Variants in CSMD2 observed in about 807,000 individuals in gnomAD.
CSMD2 encodes the protein CUB and Sushi multiple domains 2, also known as CUB and sushi domain-containing protein 2.
A neutral mutation model predicts 398.5 loss-of-function variants in CSMD2; 130 were observed. The ratio of observed to expected loss-of-function variants is 0.33; its 90% CI spans 0.28 to 0.38. CSMD2 has a LOEUF of 0.38. CSMD2 is among the 10% of genes least tolerant of loss of function. The pLI, the probability that CSMD2 is intolerant of heterozygous loss-of-function variation, is 1.00. For synonymous variants in CSMD2, 1,828 were observed against 1,908.5 expected (o/e 0.96, Z 1.10); for missense variants, 3,829 against 4,764.9 (o/e 0.80, Z 5.78).
At chr1:33,669,462 C>T (rs1307942226) in intron 25 of CSMD2, among the ~76,000 whole-genome samples, 1 of 152,204 alleles carries the variant, frequency 6.6e-6, no homozygotes, top group Non-Finnish European at 1.5e-5. Context: ...TCCTTCTCTA[C>T]AGGATAAAGT....
chr1:33,783,209 G>C (rs1460217007), intron 12 of CSMD2, among the ~76,000 whole-genome samples: 1 of 152,096 alleles, frequency 6.6e-6, no homozygotes, highest in Non-Finnish European at 1.5e-5. Flanking sequence ...AGGTGTGGGG[G>C]CAGAGATGGC....
rs1243129741 is a variant in CSMD2, at chr1:33,583,625, G to T, written c.7240+17C>A. 5 of 1,610,522 alleles carry T rather than the reference G, an allele frequency of 3.1e-6. No homozygotes were observed. The highest frequency in any genetic ancestry group is 4.2e-6 in the Non-Finnish European group (5 of 1,177,432). On this transcript the variant is annotated intron_variant, in intron 47 of 70. Coordinates refer to ENST00000373381, the MANE Select transcript of CSMD2 (RefSeq NM_001281956.2). The stretch of plus-strand genomic sequence containing the variant: ...GTCTTCTGCAGCAGAGAACTGTGAG[G>T]CATTTGACTGACTTACCATCAAAAA...
Position 33,569,391 on chromosome 1 carries a change from G to A in CSMD2, c.8114C>T (p.Ser2705Phe). 6.2e-7 allele frequency: 1 copy of A among 1,613,992 alleles called. No homozygotes were observed. The highest frequency in any genetic ancestry group is 1.1e-5 in the South Asian group (1 of 91,032). ...ECMANGLWSG[S>F]EVRCLATQTK... is the part of the protein sequence containing the mutation. ...TCACTTACCAAGGCAGCGGACTTCA[G>A]AGCCACTCCAGAGCCCATTGGCCAT... is the stretch of plus-strand genomic sequence containing the variant. Residue 2705 changes from serine (S) to phenylalanine (F), a missense_variant, in exon 52 of 71, where the codon TCT (serine) becomes TTT (phenylalanine). Coordinates refer to ENST00000373381, the MANE Select transcript of CSMD2 (RefSeq NM_001281956.2).
intron 57 of CSMD2, among the ~76,000 whole-genome samples, chr1:33,543,123 T>C (rs999266536): frequency 3.9e-5 from 6 of 152,250 alleles, no homozygotes; most frequent in African/African-American, 1.4e-4. Context: ...AGAAAAAAGA[T>C]GATCTATTCT....
rs1242630345 is a variant in CSMD2 at position 33,659,952 on chromosome 1, T to C, written c.4256-1815A>G. On this transcript the variant is annotated intron_variant, in intron 26 of 70. Coordinates refer to ENST00000373381, the MANE Select transcript of CSMD2 (RefSeq NM_001281956.2). ...TACTGAACTTATTTGTAAAGTCAAA[T>C]ATGCATCAATCTTTTTCCTTCCCAG... is the stretch of plus-strand genomic sequence containing the variant. Among the ~76,000 whole-genome samples, 3 of 152,262 alleles carry C rather than the reference T, an allele frequency of 2.0e-5. 1 individual carries two copies. Among genetic ancestry groups the C allele is most frequent in the African/African-American group, 7.2e-5 (3 of 41,470 alleles).
chr1:33,534,556 C>T (rs763643782), intron 62 of CSMD2, among the ~76,000 whole-genome samples: 2 of 152,182 alleles, frequency 1.3e-5, no homozygotes, highest in Non-Finnish European at 2.9e-5. Flanking sequence ...CAACCACGGG[C>T]TCCATCTCTC....
intron 44 of CSMD2, among the ~76,000 whole-genome samples, chr1:33,587,768 T>C (rs1380444199): frequency 6.6e-6 from 1 of 152,214 alleles, no homozygotes; most frequent in Non-Finnish European, 1.5e-5. Flanking sequence ...CTGGAATTCA[T>C]CCCTATGGGC....
At chr1:34,040,806 AAGGGTGGG>A (rs1172176213) in intron 2 of CSMD2, among the ~76,000 whole-genome samples, 1 of 152,142 alleles carries the variant, frequency 6.6e-6, no homozygotes, top group Non-Finnish European at 1.5e-5. Flanking sequence ...GGAAAAATAA[AAGGGTGGG>A]AGCTTTTATT....
At chr1:33,541,514 T>G (rs776837476) in intron 58 of CSMD2, among the ~76,000 whole-genome samples, 3 of 152,238 alleles carry the variant, frequency 2.0e-5, no homozygotes, top group Non-Finnish European at 4.4e-5. Context: ...TCACCCAGGC[T>G]GGAGTGCAGA....
intron 15 of CSMD2, among the ~76,000 whole-genome samples, chr1:33,731,824 T>C (rs1209417835): frequency 6.6e-6 from 1 of 152,244 alleles, no homozygotes; most frequent in African/African-American, 2.4e-5. Context: ...AATGTGGTTA[T>C]GTTTTAAAGA....
intron 5 of CSMD2, among the ~76,000 whole-genome samples, chr1:33,902,464 C>G (rs1032722517): frequency 5.9e-5 from 9 of 152,178 alleles, no homozygotes; most frequent in Non-Finnish European, 8.8e-5. Context: ...TTGGTGCACA[C>G]GAATCCACAG....
At chr1:33,646,472 A>T (rs1302373307) in intron 29 of CSMD2, among the ~76,000 whole-genome samples, 176 bp downstream of exon 29, 1 of 151,438 alleles carries the variant, frequency 6.6e-6, no homozygotes, top group Non-Finnish European at 1.5e-5. Flanking sequence ...GGGGTGAAAG[A>T]CTAAGCCCAG....
chr1:33,663,118 C>T (rs766190124), intron 25 of CSMD2, 26 bp from the exon 26 acceptor site: 36 of 1,595,572 alleles, frequency 2.3e-5, no homozygotes, highest in Non-Finnish European at 3.0e-5. Flanking sequence ...AGGCAGTGGT[C>T]ATCTGGACTC....
At chr1:33,653,242 G>T (rs888962552) in intron 27 of CSMD2, among the ~76,000 whole-genome samples, 4 of 152,136 alleles carry the variant, frequency 2.6e-5, no homozygotes, top group Admixed American at 2.6e-4. Context: ...GAGAGTGAAT[G>T]GTTGATAGAC....
intron 2 of CSMD2, among the ~76,000 whole-genome samples, chr1:34,038,808 G>C (rs779527424): frequency 3.9e-5 from 6 of 152,126 alleles, no homozygotes; most frequent in Non-Finnish European, 7.4e-5. Flanking sequence ...TAATAAAATG[G>C]ACTTTAAAAG....
At chr1:34,032,422 A>C (rs1173188005) in intron 3 of CSMD2, among the ~76,000 whole-genome samples, 172 bp downstream of exon 3, 1 of 152,248 alleles carries the variant, frequency 6.6e-6, no homozygotes. Flanking sequence ...CCTGGGAACC[A>C]AGAGGGACAA....
At chr1:33,819,606 G>A in intron 9 of CSMD2, 107 bp downstream of exon 9, 2 of 960,220 alleles carry the variant, frequency 2.1e-6, no homozygotes, top group Non-Finnish European at 3.1e-6. Context: ...GGGGGGAGGG[G>A]AGCCAGTCTG....
In CSMD2 at chr1:33,608,632, G is replaced by A. The variant is rs188772896; in HGVS notation, c.6343+2409C>T. 2.6e-3 allele frequency among the ~76,000 whole-genome samples: 402 copies of A among 152,290 alleles called. 2 individuals are homozygous for A. The highest frequency in any genetic ancestry group is 8.9e-3 in the African/African-American group (370 of 41,560). Reference sequence around the variant, plus strand: ...TGACTGGTGTCTTTATAGAAGGTGGGAATTTGGAGACAGAGGCACATGAAG... The same window carrying A: ...TGACTGGTGTCTTTATAGAAGGTGGAAATTTGGAGACAGAGGCACATGAAG... On this transcript the variant is annotated intron_variant, in intron 41 of 70. Coordinates refer to ENST00000373381, the MANE Select transcript of CSMD2 (RefSeq NM_001281956.2).
Position 33,577,361 on chromosome 1 carries a change from A to G in CSMD2, c.7511T>C (p.Met2504Thr). ...NAGYRLVGHS[M>T]AICTRHPQGY... ...CTGGGGGTGCCGGGTACAGATGGCC[A>G]TGCTGTGTCCCACCAGGCGGTAGCC... is the stretch of plus-strand genomic sequence containing the variant. Residue 2504 changes from methionine to threonine, a missense_variant, in exon 49 of 71, where the codon ATG becomes ACG. Physicochemically the swap from Met to Thr is moderately conservative, Grantham distance 81. Transcript: ENST00000373381. 6.2e-7 allele frequency: 1 copy of G among 1,614,144 alleles called. No homozygotes were observed. The highest frequency in any genetic ancestry group is 8.5e-7 in the Non-Finnish European group (1 of 1,180,022).
Sources: gnomAD v4.1 joint callset for allele counts (sites outside exome capture counted in the v4.1 genomes callset) on GRCh38, gnomAD v4.1.1 for gene constraint, MANE v1.5 for transcripts, NCBI Gene and HGNC (gene_info 2026-07-23, HGNC 2026-07-21) for gene names.